Variants in TNPO1 observed in about 807,000 individuals in gnomAD.
TNPO1 encodes transportin-1.
TNPO1 carries 8 observed loss-of-function variants against 119.5 expected under a neutral mutation model. The observed-to-expected ratio is 0.07, with a 90% CI of 0.04 to 0.12. TNPO1 has a LOEUF of 0.12. Ranked by LOEUF, TNPO1 falls within the 10% of genes least tolerant of loss-of-function variation. The pLI is 1.00. For synonymous variants in TNPO1, 362 were observed against 363.0 expected, an observed-to-expected ratio of 1.00 and a Z score of 0.03; for missense variants, 576 against 1,089.8, an observed-to-expected ratio of 0.53 and a Z score of 6.64.
At position 72,909,917 on chromosome 5, in the gene TNPO1, A is replaced by G. The variant is rs879805915; in HGVS notation, c.*1244A>G. The G allele has an allele frequency of 6.6e-6, 1 of 152,564 alleles. No individual in the cohort carries two copies. The highest frequency in any genetic ancestry group is 6.5e-5 in the Admixed American group (1 of 15,268). 9.5% of individuals were successfully genotyped at this position (152,564 alleles called of 1,614,324 possible). ...TGTGCTTTCTGCATGGTTATATACT[A>G]CTAGTGATTTTATCAAAACTTCTAA... On this transcript the variant is annotated 3_prime_UTR_variant, in exon 25 of 25. Transcript: ENST00000337273.
chr5:72,881,037 G>A (rs1288951860), intron 9 of TNPO1, among the ~76,000 whole-genome samples: 1 of 151,764 alleles, frequency 6.6e-6, no homozygotes, highest in African/African-American at 2.4e-5. Context: ...TTTATTTCTT[G>A]CAAACCTTAC....
At chr5:72,861,157 C>T (rs1398129325) in intron 4 of TNPO1, among the ~76,000 whole-genome samples, 1 of 152,066 alleles carries the variant, frequency 6.6e-6, no homozygotes, top group Non-Finnish European at 1.5e-5. Context: ...GTGATCCACC[C>T]ACCTCGGCCT....
At chr5:72,887,716 A>T (rs912335852) in intron 12 of TNPO1, among the ~76,000 whole-genome samples, 1 of 152,078 alleles carries the variant, frequency 6.6e-6, no homozygotes, top group African/African-American at 2.4e-5. Flanking sequence ...AATTAAGGGA[A>T]CAGAATGAAA....
intron 4 of TNPO1, 53 bp from the exon 5 acceptor site, chr5:72,861,755 A>C: frequency 1.6e-6 from 2 of 1,277,356 alleles, no homozygotes; most frequent in Non-Finnish European, 2.3e-6. Context: ...CTCACATGGC[A>C]ATGCCTGACA....
rs763688673 is a variant in TNPO1, at chr5:72,905,457, G to GA, written c.*35+14dup. On this transcript the variant is annotated intron_variant, in intron 24 of 24. Transcript: ENST00000337273. The stretch of plus-strand genomic sequence containing the variant: ...TCCCAAAATTAGGGGTAAGTTATAA[G>GA]AAGTTTGGAAATTTTCAGGATGAAG... The GA allele has an allele frequency of 7.4e-5, 102 of 1,386,168 alleles. No homozygotes were observed. Among genetic ancestry groups the GA allele is most frequent in the Non-Finnish European group, 9.8e-5 (98 of 1,002,962 alleles). 85.9% of individuals were successfully genotyped at this position (1,386,168 alleles called of 1,614,324 possible).
chr5:72,897,864 TG>T (rs1749547140), intron 20 of TNPO1, among the ~76,000 whole-genome samples: 1 of 152,108 alleles, frequency 6.6e-6, no homozygotes, highest in Non-Finnish European at 1.5e-5. Flanking sequence ...TATAATTCAA[TG>T]AGTATTCTAC....
At chr5:72,872,826 T>C in intron 7 of TNPO1, 106 bp downstream of exon 7, 1 of 577,746 alleles carries the variant, frequency 1.7e-6, no homozygotes, top group Non-Finnish European at 2.9e-6. Context: ...GAATCATTTA[T>C]AATTCTAAAC....
At chr5:72,857,579 G>C (rs187202246) in intron 4 of TNPO1, among the ~76,000 whole-genome samples, 49 of 152,242 alleles carry the variant, frequency 3.2e-4, no homozygotes, top group Middle Eastern at 3.4e-3. Flanking sequence ...GCGTGTGCCA[G>C]CCTTTTCCAT....
intron 1 of TNPO1, 180 bp from the exon 2 acceptor site, chr5:72,848,205 C>G: frequency 8.0e-7 from 1 of 1,244,840 alleles, no homozygotes; most frequent in African/African-American, 1.6e-5. Flanking sequence ...AGGAGCAGTT[C>G]CGCCGGGTTT....
At chr5:72,858,724 C>G (rs34662) in intron 4 of TNPO1, among the ~76,000 whole-genome samples, 123,146 of 151,336 alleles carry the variant, frequency 0.81, 50,467 homozygotes, top group Non-Finnish European at 0.86. Context: ...GTAGTCCCAG[C>G]TACTCTGGAG....
chr5:72,909,316 A>G lies in TNPO1; in HGVS notation c.*643A>G, dbSNP rs1014041018. On this transcript the variant is annotated 3_prime_UTR_variant, in exon 25 of 25. Coordinates refer to ENST00000337273, the MANE Select transcript of TNPO1 (RefSeq NM_002270.4). Reference sequence around the variant, plus strand: ...AAAAAGTTGGAAATAAAACAAAACAAACATAAACAATGAAGCACCCTGTGA... The same window carrying G: ...AAAAAGTTGGAAATAAAACAAAACAGACATAAACAATGAAGCACCCTGTGA... The G allele has an allele frequency of 6.6e-6, 1 of 152,596 alleles. No homozygotes were observed. The highest frequency in any genetic ancestry group is 1.9e-4 in the East Asian group (1 of 5,206). 9.5% of individuals were successfully genotyped at this position (152,596 alleles called of 1,614,324 possible). A position where few individuals can be genotyped will look rare whatever the true frequency, so the allele number is the denominator to read the frequency against.
At chr5:72,841,101 T>C (rs1744890620) in intron 1 of TNPO1, among the ~76,000 whole-genome samples, 1 of 150,906 alleles carries the variant, frequency 6.6e-6, no homozygotes, top group Non-Finnish European at 1.5e-5. Flanking sequence ...CCATAACCTC[T>C]GGTTTTAGAC....
At chr5:72,875,476 GTAATC>G in intron 7 of TNPO1, 134 bp from the exon 8 acceptor site, 1 of 710,516 alleles carries the variant, frequency 1.4e-6, no homozygotes. Context: ...TTTAATTCTT[GTAATC>G]TAATATTGTA....
At chr5:72,834,810 A>G (rs985560802) in intron 1 of TNPO1, among the ~76,000 whole-genome samples, 2 of 152,232 alleles carry the variant, frequency 1.3e-5, no homozygotes, top group Non-Finnish European at 2.9e-5. Flanking sequence ...TTCTAGTCCT[A>G]TAAGCTCCAT....
intron 6 of TNPO1, among the ~76,000 whole-genome samples, chr5:72,866,079 G>A (rs1338641284): frequency 1.3e-5 from 2 of 152,018 alleles, no homozygotes; most frequent in East Asian, 1.9e-4. Context: ...TTTTAGAATC[G>A]GGATACATGT....
chr5:72,887,717 C>G (rs965518733), intron 12 of TNPO1, among the ~76,000 whole-genome samples: 1 of 151,904 alleles, frequency 6.6e-6, no homozygotes, highest in Non-Finnish European at 1.5e-5. Flanking sequence ...ATTAAGGGAA[C>G]AGAATGAAAG....
intron 4 of TNPO1, among the ~76,000 whole-genome samples, chr5:72,856,265 T>C (rs1194803448): frequency 2.0e-5 from 3 of 152,106 alleles, no homozygotes; most frequent in African/African-American, 7.2e-5. Flanking sequence ...TGAAGCAGTC[T>C]CTGTTGCCCA....
chr5:72,903,666 C>G, intron 22 of TNPO1, 43 bp from the exon 23 acceptor site: 2 of 1,357,782 alleles, frequency 1.5e-6, no homozygotes, highest in South Asian at 1.3e-5. Flanking sequence ...CTGAGTTTGA[C>G]AAATACAATA....
chr5:72,859,377 G>T (rs1290618605), intron 4 of TNPO1, among the ~76,000 whole-genome samples: 1 of 152,182 alleles, frequency 6.6e-6, no homozygotes, highest in African/African-American at 2.4e-5. Context: ...ACCATGCCAC[G>T]TGTTGGGGTC....
Sources: allele counts gnomAD v4.1 joint callset (sites outside exome capture counted in the v4.1 genomes callset), GRCh38; gene constraint gnomAD v4.1.1; transcripts MANE v1.5; gene names NCBI Gene and HGNC (gene_info 2026-07-23, HGNC 2026-07-21).